DSCAML1: variants seen among roughly 807,000 people sequenced by gnomAD.
The protein encoded by DSCAML1 is DS cell adhesion molecule like 1, also known as cell adhesion molecule DSCAML1.
A neutral mutation model predicts 200.5 loss-of-function variants in DSCAML1; 38 were observed. The observed-to-expected ratio is 0.19, with a 90% confidence interval of 0.15 to 0.25. DSCAML1 has a LOEUF of 0.25. Ranked by LOEUF, DSCAML1 falls within the 10% of genes least tolerant of loss-of-function variation. DSCAML1 has a pLI of 1.00. For synonymous variants in DSCAML1, 1,215 were observed against 1,165.0 expected (o/e 1.04, Z -0.87); for missense variants, 2,223 against 2,858.8 (o/e 0.78, Z 5.07).
chr11:117,629,843 A>C (rs190588243), intron 3 of DSCAML1, among the ~76,000 whole-genome samples: 7 of 152,152 alleles, frequency 4.6e-5, no homozygotes, highest in African/African-American at 1.7e-4. Context: ...CAAAAAATAA[A>C]AATAAAATTA....
chr11:117,615,340 C>G (rs1477902994), intron 3 of DSCAML1, among the ~76,000 whole-genome samples: 1 of 152,202 alleles, frequency 6.6e-6, no homozygotes. Context: ...TCTATCACAT[C>G]CTGAGGTCCT....
intron 32 of DSCAML1, among the ~76,000 whole-genome samples, chr11:117,430,353 C>G (rs1191284072): frequency 6.6e-6 from 1 of 152,220 alleles, no homozygotes; most frequent in Non-Finnish European, 1.5e-5. Context: ...GGCACAGCTT[C>G]AGATTAAGGG....
chr11:117,635,931 G>T (rs956956728), intron 3 of DSCAML1, among the ~76,000 whole-genome samples: 1 of 152,142 alleles, frequency 6.6e-6, no homozygotes, highest in Non-Finnish European at 1.5e-5. Context: ...CCAGGGGTGA[G>T]TCCCATTCCC....
In DSCAML1 at chr11:117,545,252, C is replaced by A. The variant is rs576698803; in HGVS notation, c.512-12730G>T. Among the ~76,000 whole-genome samples the A allele has an allele frequency of 1.0e-3, 149 of 146,768 alleles. 1 individual carries two copies. The highest frequency in any genetic ancestry group is 3.5e-3 in the Middle Eastern group (1 of 288). ...AAAAAAAAACACACACACACACACA[C>A]ACACACACAAAACACAAGGATGTGC... On this transcript the variant is annotated intron_variant, in intron 3 of 32. Transcript: ENST00000651296.
chr11:117,715,125 A>C (rs576222924), intron 3 of DSCAML1, among the ~76,000 whole-genome samples: 84 of 152,156 alleles, frequency 5.5e-4, no homozygotes, highest in Admixed American at 9.8e-4. Flanking sequence ...AAAAAAAAGA[A>C]AATGGAAACT....
At position 117,437,835 on chromosome 11, in the gene DSCAML1, C is replaced by T; in HGVS notation, c.4432+60G>A. ...CCACCTTACACCCCATACCTGGCCC[C>T]TCTAGCCCACCCTCCCTGGGCCCAT... On this transcript the variant is annotated intron_variant, in intron 25 of 32. Transcript: ENST00000651296. The surrounding 1 kb of genome is among the most constrained non-coding windows in gnomAD (Gnocchi z 5.3). The T allele has an allele frequency of 6.6e-7, 1 of 1,504,936 alleles. No homozygotes were observed. Among genetic ancestry groups the T allele is most frequent in the Non-Finnish European group, 8.9e-7 (1 of 1,127,638 alleles). 93.2% of individuals were successfully genotyped at this position (1,504,936 alleles called of 1,614,324 possible). A position where few individuals can be genotyped will look rare whatever the true frequency, so the allele number is the denominator to read the frequency against.
chr11:117,473,523 AAACAG>A lies in DSCAML1; in HGVS notation c.2786-1492_2786-1488del, dbSNP rs1425878186. On this transcript the variant is annotated intron_variant, in intron 14 of 32. Transcript: ENST00000651296. The stretch of plus-strand genomic sequence containing the variant: ...AAAATGAAAAAAACAAAACAAAACA[AAACAG>A]AAAAACGTAATGCCTGATAAATCAG... 6.1e-4 allele frequency among the ~76,000 whole-genome samples: 93 copies of A among 152,190 alleles called. 1 individual carries two copies. Among genetic ancestry groups the A allele is most frequent in the African/African-American group, 2.0e-3 (81 of 41,522 alleles).
intron 3 of DSCAML1, among the ~76,000 whole-genome samples, chr11:117,567,642 C>T (rs970547537): frequency 7.9e-5 from 12 of 152,070 alleles, no homozygotes; most frequent in African/African-American, 2.4e-4. Context: ...ATAAATTCCT[C>T]GACACATACA....
At chr11:117,632,238 G>C (rs554553094) in intron 3 of DSCAML1, among the ~76,000 whole-genome samples, 2 of 152,314 alleles carry the variant, frequency 1.3e-5, no homozygotes, top group African/African-American at 4.8e-5. Flanking sequence ...CTCCTTATCA[G>C]AGGATAGCCA....
intron 3 of DSCAML1, among the ~76,000 whole-genome samples, chr11:117,598,849 T>C (rs944728666): frequency 1.3e-5 from 2 of 152,224 alleles, no homozygotes; most frequent in African/African-American, 2.4e-5. Context: ...CTGGGAGTTT[T>C]GAGAAGCATT....
intron 3 of DSCAML1, among the ~76,000 whole-genome samples, chr11:117,729,601 T>C (rs778613914): frequency 4.6e-5 from 7 of 152,268 alleles, no homozygotes; most frequent in Non-Finnish European, 1.0e-4. Flanking sequence ...AATTTTAAAA[T>C]GAAAATTATG....
intron 3 of DSCAML1, among the ~76,000 whole-genome samples, chr11:117,557,881 T>C (rs1402139091): frequency 1.3e-5 from 2 of 151,972 alleles, no homozygotes; most frequent in Non-Finnish European, 2.9e-5. Flanking sequence ...TGGCAATGTG[T>C]GGAGGCATTT....
rs374321961 is a variant in DSCAML1, at chr11:117,726,251, CTGTGTGTG to C, written c.511+50532_511+50539del. ...ATTGAATGAGGTTGTGTGTGTATCT[CTGTGTGTG>C]TGTGTGCGTGTGTGTGTGTGTGTGT... On this transcript the variant is annotated intron_variant, in intron 3 of 32. Coordinates refer to ENST00000651296, the MANE Select transcript of DSCAML1 (RefSeq NM_020693.4). Among the ~76,000 whole-genome samples, 14 of 149,282 alleles carry C rather than the reference CTGTGTGTG, an allele frequency of 9.4e-5. No individual in the cohort carries two copies. In the East Asian group the frequency reaches 2.5e-3, roughly 27 times the overall value.
At chr11:117,626,363 G>A (rs2052047147) in intron 3 of DSCAML1, among the ~76,000 whole-genome samples, 1 of 152,182 alleles carries the variant, frequency 6.6e-6, no homozygotes, top group South Asian at 2.1e-4. Context: ...TGTTGCCAGG[G>A]CCCTGAGTAG....
intron 3 of DSCAML1, among the ~76,000 whole-genome samples, chr11:117,623,933 G>A (rs1422634712): frequency 6.6e-6 from 1 of 152,116 alleles, no homozygotes; most frequent in African/African-American, 2.4e-5. Flanking sequence ...GAGGATAATG[G>A]CTTGCTGTTC....
intron 3 of DSCAML1, among the ~76,000 whole-genome samples, chr11:117,643,872 GGAA>G (rs951012173): frequency 3.9e-5 from 6 of 152,204 alleles, no homozygotes; most frequent in Admixed American, 6.5e-5. Context: ...ATTCCACAGG[GGAA>G]GAAGGAGAGT....
intron 14 of DSCAML1, among the ~76,000 whole-genome samples, chr11:117,478,074 C>T (rs909823962): frequency 6.6e-6 from 1 of 152,232 alleles, no homozygotes; most frequent in Non-Finnish European, 1.5e-5. Context: ...AAGGGCAAGA[C>T]GTGGATGTGC....
Position 117,732,839 on chromosome 11 carries a change from C to T in DSCAML1, c.511+43952G>A, listed in dbSNP as rs562378258. ...ATTATTGCATGTAAATTATGCATGA[C>T]TAACTCGGGAGGAGGGCCACACTTT... On this transcript the variant is annotated intron_variant, in intron 3 of 32. Transcript: ENST00000651296. 2.6e-5 allele frequency among the ~76,000 whole-genome samples: 4 copies of T among 152,060 alleles called. No individual in the cohort carries two copies. The South Asian group carries it at 8.3e-4, about 32-fold the overall frequency.
intron 3 of DSCAML1, among the ~76,000 whole-genome samples, chr11:117,622,480 C>A (rs1317482926): frequency 1.3e-5 from 2 of 152,264 alleles, no homozygotes; most frequent in East Asian, 3.9e-4. Context: ...ATGTGCAGAT[C>A]CTGCACATGG....
Sources: allele counts gnomAD v4.1 joint callset (sites outside exome capture counted in the v4.1 genomes callset), GRCh38; gene constraint gnomAD v4.1.1; non-coding constraint Gnocchi (gnomAD v3.1); transcripts MANE v1.5; gene names NCBI Gene and HGNC (gene_info 2026-07-23, HGNC 2026-07-21).